The following CCDC178 variants were observed in gnomAD, a reference collection of about 807,000 sequenced individuals.
CCDC178 encodes coiled-coil domain containing 178.
Under a neutral mutation model 117.4 loss-of-function variants are expected in CCDC178, and 126 were observed. That is an observed-to-expected ratio of 1.07 (90% CI 0.93 to 1.24). The LOEUF (loss-of-function observed/expected upper bound fraction) is 1.24, where lower values mean the gene tolerates loss of function less well. Among genes scored for constraint, CCDC178 ranks in the 50% most tolerant of loss-of-function variants. The pLI is 0.00. For missense variants in CCDC178, 1,030 were observed against 986.9 expected, an observed-to-expected ratio of 1.04 and a Z score of -0.59; for synonymous variants, 283 against 313.4, an observed-to-expected ratio of 0.90 and a Z score of 1.02.
At chr18:33,373,238 T>C (rs922713268) in intron 5 of CCDC178, among the ~76,000 whole-genome samples, 2 of 152,176 alleles carry the variant, frequency 1.3e-5, no homozygotes, top group African/African-American at 2.4e-5. Context: ...TCTAGAATAA[T>C]ACACATGGAC....
chr18:33,223,085 A>G lies in CCDC178; in HGVS notation c.1932+21T>C, dbSNP rs367833144. On this transcript the variant is annotated intron_variant, in intron 18 of 22. Coordinates refer to ENST00000383096, the MANE Select transcript of CCDC178 (RefSeq NM_001105528.4). ...ACATAAACTGTAAATTCAAAATTAGATTCTGAACTTAAATTCTTACCTCAG... is the reference window on the plus strand; with the variant it reads ...ACATAAACTGTAAATTCAAAATTAGGTTCTGAACTTAAATTCTTACCTCAG... 3 of 1,538,024 alleles carry G rather than the reference A, an allele frequency of 2.0e-6. No homozygotes were observed. In the African/African-American group the frequency reaches 4.2e-5, roughly 21 times the overall value.
chr18:33,257,183 T>C (rs1266957341), intron 14 of CCDC178, among the ~76,000 whole-genome samples: 1 of 152,090 alleles, frequency 6.6e-6, no homozygotes, highest in Admixed American at 6.6e-5. Flanking sequence ...ATAACTTTTC[T>C]ATGATAATTT....
chr18:33,240,307 A>T (rs1038228572), intron 15 of CCDC178, among the ~76,000 whole-genome samples: 1 of 151,822 alleles, frequency 6.6e-6, no homozygotes, highest in Non-Finnish European at 1.5e-5. Context: ...AAATGTAATG[A>T]TCTCAAGGAA....
Position 32,983,447 on chromosome 18 carries a change from T to G in CCDC178, c.2389-8766A>C, listed in dbSNP as rs748489175. ...CACAGTCAAACAAATAGTACAACTG[T>G]AGAAGCAGCTCTAAGATTTATTCAC... On this transcript the variant is annotated intron_variant, in intron 21 of 22. Transcript: ENST00000383096. The G allele has an allele frequency of 1.8e-4, 123 of 690,206 alleles. 1 individual carries two copies. The highest frequency in any genetic ancestry group is 2.8e-4 in the Non-Finnish European group (113 of 409,672). The allele number at this position is 690,206 out of a possible 1,614,324, so 42.8% of individuals were successfully genotyped here.
chr18:33,385,389 C>T (rs1238647204), intron 5 of CCDC178, among the ~76,000 whole-genome samples: 1 of 152,086 alleles, frequency 6.6e-6, no homozygotes, highest in Admixed American at 6.6e-5. Flanking sequence ...ACAGAACTCG[C>T]CAGACAAAAC....
At chr18:33,239,750 C>A (rs1322827187) in intron 15 of CCDC178, among the ~76,000 whole-genome samples, 1 of 151,854 alleles carries the variant, frequency 6.6e-6, no homozygotes, top group Non-Finnish European at 1.5e-5. Flanking sequence ...TGATCTAATA[C>A]ATTAATAGTT....
At chr18:33,044,445 A>C (rs899503813) in intron 21 of CCDC178, among the ~76,000 whole-genome samples, 1 of 152,130 alleles carries the variant, frequency 6.6e-6, no homozygotes, top group African/African-American at 2.4e-5. Flanking sequence ...CATCAGAGAA[A>C]TGCAAATTAA....
At chr18:33,245,211 C>A in intron 15 of CCDC178, 34 bp downstream of exon 15, 1 of 1,461,944 alleles carries the variant, frequency 6.8e-7, no homozygotes, top group Non-Finnish European at 9.1e-7. Context: ...CTCTTTTTTT[C>A]ATCATGAGTA....
intron 3 of CCDC178, among the ~76,000 whole-genome samples, chr18:33,401,885 T>C (rs2063713881): frequency 2.0e-5 from 3 of 152,044 alleles, no homozygotes; most frequent in Admixed American, 2.0e-4. Context: ...AATAATTAAA[T>C]GAACACATGG....
At chr18:33,245,041 G>A (rs1174112011) in intron 15 of CCDC178, among the ~76,000 whole-genome samples, 1 of 151,948 alleles carries the variant, frequency 6.6e-6, no homozygotes, top group Non-Finnish European at 1.5e-5. Context: ...AACAATTGTG[G>A]ATTAGCTACA....
intron 20 of CCDC178, among the ~76,000 whole-genome samples, chr18:33,119,189 G>C (rs1011319366): frequency 6.6e-6 from 1 of 152,082 alleles, no homozygotes; most frequent in African/African-American, 2.4e-5. Context: ...TTGACAAATG[G>C]GATCTAATTA....
chr18:33,323,559 C>T lies in CCDC178; in HGVS notation c.954G>A (p.Lys318=). Residue 318 remains lysine, a synonymous_variant, in exon 11 of 23, where the codon AAG becomes AAA. Transcript: ENST00000383096. ...CAATCTCTTCTTTAATTTGCTGAGC[C>T]TTCAATCTGGCATTTTCACAGGCTT... The part of the protein sequence containing the change: ...ALEACENARL[K]AQQIKEEIDK... 1.3e-6 allele frequency: 2 copies of T among 1,574,220 alleles called. No homozygotes were observed. The highest frequency in any genetic ancestry group is 1.2e-5 in the South Asian group (1 of 84,318).
At chr18:33,108,013 T>A (rs575403818) in intron 20 of CCDC178, among the ~76,000 whole-genome samples, 6 of 151,690 alleles carry the variant, frequency 4.0e-5, no homozygotes, top group African/African-American at 9.7e-5. Context: ...GAAGTTTTTT[T>A]ATCCATTTTT....
intron 20 of CCDC178, among the ~76,000 whole-genome samples, chr18:33,178,974 C>T (rs1218465717): frequency 7.0e-6 from 1 of 142,440 alleles, no homozygotes; most frequent in African/African-American, 2.6e-5. Flanking sequence ...ATTTTATATA[C>T]AACTTTCAAC....
At chr18:33,049,640 A>C (rs1453309053) in intron 21 of CCDC178, among the ~76,000 whole-genome samples, 2 of 152,186 alleles carry the variant, frequency 1.3e-5, no homozygotes, top group Non-Finnish European at 2.9e-5. Context: ...TGAGTGTTTG[A>C]TAAACACTGT....
chr18:33,226,754 T>C, intron 16 of CCDC178, 39 bp downstream of exon 16: 1 of 1,393,590 alleles, frequency 7.2e-7, no homozygotes, highest in Non-Finnish European at 9.9e-7. Context: ...AAATGCAAAT[T>C]AAAGGAAGAA....
chr18:32,953,445 C>T (rs2054532323), intron 22 of CCDC178, among the ~76,000 whole-genome samples: 2 of 152,172 alleles, frequency 1.3e-5, no homozygotes, highest in Admixed American at 6.6e-5. Flanking sequence ...TTCTTCTGAG[C>T]CTTCCAAACT....
intron 21 of CCDC178, among the ~76,000 whole-genome samples, chr18:32,986,872 A>G (rs1598757430): frequency 6.6e-6 from 1 of 152,060 alleles, no homozygotes; most frequent in East Asian, 1.9e-4. Flanking sequence ...CTAACTCAGT[A>G]TATTGCATGA....
intron 11 of CCDC178, among the ~76,000 whole-genome samples, chr18:33,318,471 A>G (rs2144987982): frequency 6.6e-6 from 1 of 152,348 alleles, no homozygotes; most frequent in South Asian, 2.1e-4. Flanking sequence ...ATAGATAATA[A>G]GCCAGAAGAA....
Sources: gnomAD v4.1 joint callset for allele counts (sites outside exome capture counted in the v4.1 genomes callset) on GRCh38, gnomAD v4.1.1 for gene constraint, MANE v1.5 for transcripts, NCBI Gene and HGNC (gene_info 2026-07-23, HGNC 2026-07-21) for gene names.